Variants in STAG1 observed in about 807,000 individuals in gnomAD.
The protein encoded by STAG1 is STAG1 cohesin complex component, also known as cohesin subunit SA-1.
In STAG1, 26 loss-of-function variants were observed where a neutral mutation model predicts 170.9. That is an observed-to-expected ratio of 0.15 (90% CI 0.11 to 0.21). The LOEUF (loss-of-function observed/expected upper bound fraction) is 0.21, where lower values mean the gene tolerates loss of function less well. Among genes scored for constraint, STAG1 ranks in the 10% least tolerant of loss-of-function variants. The pLI is 1.00. For synonymous variants in STAG1, 514 were observed against 497.7 expected, an observed-to-expected ratio of 1.03 and a Z score of -0.44; for missense variants, 964 against 1,509.5, an observed-to-expected ratio of 0.64 and a Z score of 5.99.
chr3:136,362,524 T>C (rs1936910255), intron 26 of STAG1, among the ~76,000 whole-genome samples: 1 of 149,400 alleles, frequency 6.7e-6, no homozygotes, highest in Admixed American at 6.7e-5. Context: ...TCCCAGCACT[T>C]TGGGAGGCCG....
At chr3:136,577,759 T>C (rs1276045180) in intron 4 of STAG1, among the ~76,000 whole-genome samples, 1 of 152,112 alleles carries the variant, frequency 6.6e-6, no homozygotes, top group Non-Finnish European at 1.5e-5. Context: ...TCAACAGAAA[T>C]CTGAGGAACA....
chr3:136,548,322 C>A (rs1015349454), intron 5 of STAG1, among the ~76,000 whole-genome samples: 2 of 152,042 alleles, frequency 1.3e-5, no homozygotes, highest in African/African-American at 4.8e-5. Flanking sequence ...CCATGTTGCC[C>A]AGGCTGGTCT....
At chr3:136,433,800 A>ATT in intron 15 of STAG1, 141 bp from the exon 16 acceptor site, 8 of 503,710 alleles carry the variant, frequency 1.6e-5, no homozygotes, top group Admixed American at 3.9e-5. Flanking sequence ...GTACTTTGCT[A>ATT]TTTTTTTTTT....
intron 7 of STAG1, chr3:136,518,202 T>TA: frequency 2.3e-6 from 1 of 429,866 alleles, no homozygotes; most frequent in Non-Finnish European, 4.1e-6. Context: ...TGATGACTTA[T>TA]GAAGCTCTGG....
intron 7 of STAG1, among the ~76,000 whole-genome samples, chr3:136,506,390 GGAGTCT>G (rs746770505): frequency 3.6e-4 from 54 of 151,650 alleles, no homozygotes; most frequent in South Asian, 8.4e-4. Context: ...CAGCACTTTG[GGAGTCT>G]GAGGCAGGTG....
At chr3:136,694,216 C>A (rs963110513) in intron 1 of STAG1, among the ~76,000 whole-genome samples, 2 of 152,082 alleles carry the variant, frequency 1.3e-5, no homozygotes, top group East Asian at 3.9e-4. Context: ...ATCCCAATAT[C>A]GTAGGCCAGA....
At chr3:136,631,620 C>T (rs559262224) in intron 1 of STAG1, among the ~76,000 whole-genome samples, 28 of 152,260 alleles carry the variant, frequency 1.8e-4, no homozygotes, top group East Asian at 1.2e-3. Context: ...TCGTGCAGGA[C>T]GTTGATAGTA....
At chr3:136,621,525 C>G (rs1343673938) in intron 3 of STAG1, among the ~76,000 whole-genome samples, 1 of 152,112 alleles carries the variant, frequency 6.6e-6, no homozygotes, top group Non-Finnish European at 1.5e-5. Context: ...TCCCAAAATA[C>G]GTTTGTAAAG....
At chr3:136,389,907 T>C (rs796302098) in intron 22 of STAG1, among the ~76,000 whole-genome samples, 10 of 150,786 alleles carry the variant, frequency 6.6e-5, no homozygotes, top group African/African-American at 1.2e-4. Context: ...TCTTGGCTCA[T>C]TGCAACCTCT....
At chr3:136,736,832 G>GT (rs1344249838) in intron 1 of STAG1, 18 of 1,583,644 alleles carry the variant, frequency 1.1e-5, no homozygotes, top group African/African-American at 1.4e-5. Flanking sequence ...TTCCTTCTTT[G>GT]TTTTTTTCGC....
chr3:136,439,667 T>A (rs1407981557), intron 15 of STAG1, among the ~76,000 whole-genome samples: 7 of 152,118 alleles, frequency 4.6e-5, no homozygotes, highest in Non-Finnish European at 7.3e-5. Context: ...GCACAGAAAA[T>A]TAATTTAGAT....
At chr3:136,411,522 A>T (rs983528391) in intron 21 of STAG1, among the ~76,000 whole-genome samples, 2 of 152,186 alleles carry the variant, frequency 1.3e-5, no homozygotes, top group African/African-American at 4.8e-5. Flanking sequence ...CAAGCTAATG[A>T]TTATTGTTGT....
At chr3:136,630,381 G>A (rs1441463469) in intron 2 of STAG1, among the ~76,000 whole-genome samples, 1 of 151,960 alleles carries the variant, frequency 6.6e-6, no homozygotes, top group Non-Finnish European at 1.5e-5. Context: ...GAAGTGAGCA[G>A]GGAGGGGGGG....
intron 1 of STAG1, among the ~76,000 whole-genome samples, chr3:136,702,383 A>G (rs907143059): frequency 6.6e-6 from 1 of 152,060 alleles, no homozygotes; most frequent in Non-Finnish European, 1.5e-5. Context: ...TTATAAAATC[A>G]CTTACAATTT....
At chr3:136,714,965 T>TATATATATA (rs1559967677) in intron 1 of STAG1, among the ~76,000 whole-genome samples, 17 of 62,284 alleles carry the variant, frequency 2.7e-4, no homozygotes, top group African/African-American at 5.7e-4. Context: ...ATATATATAT[T>TATATATATA]TTATATATAT....
intron 21 of STAG1, among the ~76,000 whole-genome samples, chr3:136,413,701 G>A (rs1345609113): frequency 6.6e-6 from 1 of 151,966 alleles, no homozygotes; most frequent in Admixed American, 6.6e-5. Flanking sequence ...TATGTGATCT[G>A]CCTGCCTCAG....
intron 4 of STAG1, among the ~76,000 whole-genome samples, chr3:136,583,414 T>C (rs550246665): frequency 6.6e-6 from 1 of 152,202 alleles, no homozygotes; most frequent in Non-Finnish European, 1.5e-5. Flanking sequence ...ATTTTTTTAA[T>C]GTTATCATGA....
chr3:136,642,253 A>G (rs1156778781), intron 1 of STAG1, among the ~76,000 whole-genome samples: 1 of 147,904 alleles, frequency 6.8e-6, no homozygotes, highest in East Asian at 2.0e-4. Flanking sequence ...ACTGTGTAAC[A>G]GACAGAATTT....
At chr3:136,723,655 T>TG (rs1219191105) in intron 1 of STAG1, among the ~76,000 whole-genome samples, 76 of 112,248 alleles carry the variant, frequency 6.8e-4, no homozygotes, top group African/African-American at 4.2e-4. Context: ...GGGAGGGAGG[T>TG]GGGGGGGTCA....
Sources: allele counts gnomAD v4.1 joint callset (sites outside exome capture counted in the v4.1 genomes callset), GRCh38; gene constraint gnomAD v4.1.1; transcripts MANE v1.5; gene names NCBI Gene and HGNC (gene_info 2026-07-23, HGNC 2026-07-21).